ASMT: variants seen among roughly 807,000 people sequenced by gnomAD.
The protein encoded by ASMT is acetylserotonin O-methyltransferase, also known as acetylserotonin N-methyltransferase.
A neutral mutation model predicts 41.3 loss-of-function variants in ASMT; 53 were observed. The observed-to-expected ratio is 1.28, with a 90% CI of 1.03 to 1.61. The LOEUF (loss-of-function observed/expected upper bound fraction) is 1.61. Ranked by LOEUF, ASMT falls within the 40% of genes most tolerant of loss-of-function variation. The pLI is 0.00. For missense variants in ASMT, 531 were observed against 441.3 expected (o/e 1.20, Z -1.82); for synonymous variants, 231 against 184.8 (o/e 1.25, Z -2.03).
At position 1,636,899 on chromosome X, in the gene ASMT, T is replaced by A. The variant is rs185973456; in HGVS notation, c.910+339T>A. On this transcript the variant is annotated intron_variant, in intron 8 of 8. Transcript: ENST00000381241. Reference sequence around the variant, plus strand: ...CACCCATCCTGATGGTTCATGAGGATGTGGGCACAGCCTCTGTGTGTGATG... The same window carrying A: ...CACCCATCCTGATGGTTCATGAGGAAGTGGGCACAGCCTCTGTGTGTGATG... 1.4e-4 allele frequency among the ~76,000 whole-genome samples: 20 copies of A among 141,558 alleles called. No individual in the cohort carries two copies. The East Asian group carries it at 3.2e-3, about 22-fold the overall frequency. The allele number at this position is 141,558 out of a possible 152,430, so 92.9% of individuals were successfully genotyped here. A position where few individuals can be genotyped will look rare whatever the true frequency, so the allele number is the denominator to read the frequency against.
At chrX:1,642,023 G>C (rs1935198117) in intron 8 of ASMT, among the ~76,000 whole-genome samples, 1 of 142,878 alleles carries the variant, frequency 7.0e-6, no homozygotes, top group Non-Finnish European at 1.5e-5. Flanking sequence ...GTGTGTAATG[G>C]GGATAGCATC....
At chrX:1,625,041 G>A (rs1460500251) in intron 3 of ASMT, among the ~76,000 whole-genome samples, 1 of 152,192 alleles carries the variant, frequency 6.6e-6, no homozygotes, top group East Asian at 1.9e-4. Context: ...CCAGGGGCTG[G>A]TGAAGTGGCA....
At chrX:1,627,920 AC>A in intron 4 of ASMT, 149 bp downstream of exon 4, 1 of 791,688 alleles carries the variant, frequency 1.3e-6, no homozygotes, top group Non-Finnish European at 2.2e-6. Flanking sequence ...CCCCACTACT[AC>A]CCCAGATTTT....
At chrX:1,628,568 G>A (rs1398839637) in intron 4 of ASMT, among the ~76,000 whole-genome samples, 2 of 151,376 alleles carry the variant, frequency 1.3e-5, no homozygotes, top group East Asian at 1.9e-4. Flanking sequence ...TGGTTCGCCT[G>A]CCCCCCAACC....
Position 1,629,944 on chromosome X carries a change from G to C in ASMT, c.562+5G>C. The stretch of plus-strand genomic sequence containing the variant: ...CACTTATGTGTGACCTTGGTGGTAA[G>C]TACCCCTCACCACTAATACCTCGGA... On this transcript the variant is annotated splice_donor_5th_base_variant and intron_variant, in intron 5 of 8. Coordinates refer to ENST00000381241, the MANE Select transcript of ASMT (RefSeq NM_001171038.2). 1 of 1,610,686 alleles carries C rather than the reference G, an allele frequency of 6.2e-7. No individual in the cohort carries two copies. Among genetic ancestry groups the C allele is most frequent in the Non-Finnish European group, 8.5e-7 (1 of 1,176,882 alleles).
At chrX:1,619,201 C>A (rs1934245769) in intron 1 of ASMT, among the ~76,000 whole-genome samples, 1 of 152,014 alleles carries the variant, frequency 6.6e-6, no homozygotes. Flanking sequence ...CGAGACCAGC[C>A]TGGCCAATAT....
chrX:1,623,588 G>A (rs139930541), intron 2 of ASMT, among the ~76,000 whole-genome samples: 1 of 152,122 alleles, frequency 6.6e-6, no homozygotes, highest in Non-Finnish European at 1.5e-5. Flanking sequence ...GACAGAGCGA[G>A]ACTCCATCTG....
chrX:1,642,731 G>A, intron 8 of ASMT, 72 bp from the exon 9 acceptor site: 1 of 1,426,492 alleles, frequency 7.0e-7, no homozygotes, highest in Non-Finnish European at 9.9e-7. Context: ...CTGTCCTTAT[G>A]GTTCACTGGG....
chrX:1,624,149 C>T (rs1371695941), intron 2 of ASMT, 120 bp from the exon 3 acceptor site: 5 of 1,380,448 alleles, frequency 3.6e-6, no homozygotes, highest in South Asian at 3.5e-5. Flanking sequence ...GACCCCATCT[C>T]TAAAGAAGAG....
At chrX:1,629,038 C>A (rs36128288) in intron 4 of ASMT, among the ~76,000 whole-genome samples, 1 of 149,652 alleles carries the variant, frequency 6.7e-6, no homozygotes, top group Non-Finnish European at 1.5e-5. Context: ...CTCCCTCCCT[C>A]CTTTCTTTCT....
intron 7 of ASMT, chrX:1,636,232 C>G (rs1224945135): frequency 9.8e-6 from 7 of 713,688 alleles, no homozygotes; most frequent in Non-Finnish European, 1.5e-5. Flanking sequence ...GCTAGGATTA[C>G]AGGCGTGAGC....
At chrX:1,635,963 C>CTT (rs756873361) in intron 7 of ASMT, among the ~76,000 whole-genome samples, 5 of 141,990 alleles carry the variant, frequency 3.5e-5, no homozygotes, top group Non-Finnish European at 4.6e-5. Context: ...TATTTTCTTT[C>CTT]TTTTTTTTTT....
At chrX:1,615,426 T>A (rs1440644346) in intron 1 of ASMT, 158 bp downstream of exon 1, 11 of 249,842 alleles carry the variant, frequency 4.4e-5, no homozygotes, top group Non-Finnish European at 7.0e-5. Context: ...CCTCAGGAGT[T>A]CCTGAGGACA....
intron 1 of ASMT, among the ~76,000 whole-genome samples, chrX:1,622,832 A>T (rs1178338217): frequency 1.6e-4 from 24 of 151,782 alleles, no homozygotes; most frequent in Non-Finnish European, 3.2e-4. Context: ...GAATGGTGTG[A>T]AGCCGGGAGG....
rs1569384527 is a variant in ASMT at position 1,637,052 on chromosome X, A to ATC, written c.910+492_910+493insTC. On this transcript the variant is annotated intron_variant, in intron 8 of 8. Coordinates refer to ENST00000381241, the MANE Select transcript of ASMT (RefSeq NM_001171038.2). ...TGTGAGGTCCATCCATCCTGATGGC[A>ATC]CATGAGGATGTGGGCACAGCCTCTG... Among the ~76,000 whole-genome samples, 653 of 87,458 alleles carry ATC rather than the reference A, an allele frequency of 7.5e-3. 12 individuals are homozygous for ATC. The highest frequency in any genetic ancestry group is 0.012 in the Non-Finnish European group (473 of 41,096). The allele number at this position is 87,458 out of a possible 152,430, so 57.4% of individuals were successfully genotyped here. A position where few individuals can be genotyped will look rare whatever the true frequency, so the allele number is the denominator to read the frequency against.
chrX:1,636,321 G>T (rs1934960736), intron 7 of ASMT, 117 bp from the exon 8 acceptor site: 15 of 1,470,330 alleles, frequency 1.0e-5, no homozygotes, highest in Non-Finnish European at 1.4e-5. Context: ...CAGGTGACTA[G>T]CCTGGAAGAC....
rs1352152380 is a variant in ASMT at position 1,616,248 on chromosome X, C to T, written c.69+980C>T. Among the ~76,000 whole-genome samples the T allele has an allele frequency of 8.6e-5, 13 of 151,376 alleles. 1 individual carries two copies. The highest frequency in any genetic ancestry group is 1.9e-4 in the East Asian group (1 of 5,178). On this transcript the variant is annotated intron_variant, in intron 1 of 8. Transcript: ENST00000381241. The stretch of plus-strand genomic sequence containing the variant: ...TTCACCATGTTGGCCAGGCTGGTCT[C>T]GAACTCCTGACCTCAAGTGATTCAC...
In ASMT at chrX:1,633,192, C is replaced by T. The variant is rs755678643; in HGVS notation, c.689C>T (p.Pro230Leu). 6.2e-7 allele frequency: 1 copy of T among 1,613,824 alleles called. No homozygotes were observed. Among genetic ancestry groups the T allele is most frequent in the East Asian group, 2.2e-5 (1 of 44,866 alleles). The change falls in exon 7 of 9, where the codon CCT becomes CTT. Residue 230 changes from proline (P) to leucine (L), a missense_variant. By Grantham distance (98) the Pro-to-Leu change is moderately conservative (BLOSUM62 -3). Coordinates refer to ENST00000381241, the MANE Select transcript of ASMT (RefSeq NM_001171038.2). Reference sequence around the variant, plus strand: ...GCTAAGGAATGCATGTCTCTGTACCCTGGATGTAAGATCACCGTTTTTGAC... The same window carrying T: ...GCTAAGGAATGCATGTCTCTGTACCTTGGATGTAAGATCACCGTTTTTGAC... ...ALAKECMSLYPGCKITVFDIP... is the reference protein window; with the variant it reads ...ALAKECMSLYLGCKITVFDIP...
intron 3 of ASMT, among the ~76,000 whole-genome samples, chrX:1,625,340 G>A (rs1434660581): frequency 1.7e-4 from 26 of 151,404 alleles, no homozygotes; most frequent in African/African-American, 3.1e-4. Context: ...TCCTGACCTC[G>A]TGATCTGCCT....
Sources: allele counts gnomAD v4.1 joint callset (sites outside exome capture counted in the v4.1 genomes callset), GRCh38; gene constraint gnomAD v4.1.1; transcripts MANE v1.5; gene names NCBI Gene and HGNC (gene_info 2026-07-23, HGNC 2026-07-21).